The following CLYBL variants were observed in gnomAD, a reference collection of about 807,000 sequenced individuals.
The protein encoded by CLYBL is citramalyl-CoA lyase, mitochondrial.
Under a neutral mutation model 38.9 loss-of-function variants are expected in CLYBL, and 31 were observed. The ratio of observed to expected loss-of-function variants is 0.80; its 90% CI spans 0.60 to 1.08. The LOEUF (loss-of-function observed/expected upper bound fraction) is 1.08, where lower values mean the gene tolerates loss of function less well. Ranked by LOEUF, CLYBL falls within the 50% of genes least tolerant of loss-of-function variation. The pLI is 0.00. For synonymous variants in CLYBL, 171 were observed against 158.6 expected (o/e 1.08, Z -0.59); for missense variants, 434 against 411.6 (o/e 1.05, Z -0.47).
At position 99,738,699 on chromosome 13, in the gene CLYBL, G is replaced by C. The variant is rs886268982; in HGVS notation, c.63-34125G>C. 5.3e-5 allele frequency among the ~76,000 whole-genome samples: 8 copies of C among 152,206 alleles called. 1 individual carries two copies. Among genetic ancestry groups the C allele is most frequent in the East Asian group, 1.9e-4 (1 of 5,176 alleles). ...ACAAAATGGAAACCCCGAAAACTTA[G>C]GTATTCAAATGTTTAGACTTTACTA... On this transcript the variant is annotated intron_variant, in intron 1 of 8. Transcript: ENST00000339105.
At chr13:99,881,854 G>T (rs1334008985) in intron 7 of CLYBL, among the ~76,000 whole-genome samples, 1 of 152,150 alleles carries the variant, frequency 6.6e-6, no homozygotes, top group Non-Finnish European at 1.5e-5. Context: ...GACTTAAAAT[G>T]TCACTCATAT....
At chr13:99,751,330 C>G (rs2048953677) in intron 1 of CLYBL, among the ~76,000 whole-genome samples, 1 of 151,904 alleles carries the variant, frequency 6.6e-6, no homozygotes, top group African/African-American at 2.4e-5. Flanking sequence ...AAGTGATTCT[C>G]CTGCCTCAGC....
At chr13:99,837,006 T>TA (rs1199410308) in intron 2 of CLYBL, among the ~76,000 whole-genome samples, 2 of 152,074 alleles carry the variant, frequency 1.3e-5, no homozygotes, top group African/African-American at 4.8e-5. Context: ...AACCTGCACG[T>TA]TGTGCACATG....
At chr13:99,621,671 G>T (rs2046799227) in intron 1 of CLYBL, among the ~76,000 whole-genome samples, 1 of 152,184 alleles carries the variant, frequency 6.6e-6, no homozygotes, top group African/African-American at 2.4e-5. Context: ...CCTGCAGCCT[G>T]TGGGCCACAT....
chr13:99,792,939 C>A (rs1482582657), intron 2 of CLYBL, among the ~76,000 whole-genome samples: 2 of 151,730 alleles, frequency 1.3e-5, no homozygotes, highest in African/African-American at 4.8e-5. Flanking sequence ...ACTTTAATTG[C>A]CATACAGATG....
At chr13:99,896,795 T>G (rs2052586335), downstream of CLYBL, 1 of 152,248 alleles carries the variant, frequency 6.6e-6, no homozygotes, top group Non-Finnish European at 1.5e-5. Flanking sequence ...GAGGCCACTC[T>G]AAGTGGTAAT....
At chr13:99,719,700 G>T (rs1328909097) in intron 1 of CLYBL, among the ~76,000 whole-genome samples, 2 of 151,770 alleles carry the variant, frequency 1.3e-5, no homozygotes, top group African/African-American at 4.8e-5. Context: ...TAGAGATGGG[G>T]TTTCACTACG....
chr13:99,725,890 T>C (rs2048464208), intron 1 of CLYBL, among the ~76,000 whole-genome samples: 1 of 152,214 alleles, frequency 6.6e-6, no homozygotes, highest in African/African-American at 2.4e-5. Context: ...TTAATCCAGC[T>C]ACTGCACATG....
intron 1 of CLYBL, among the ~76,000 whole-genome samples, chr13:99,625,574 T>TA (rs1158102683): frequency 4.6e-5 from 7 of 152,342 alleles, no homozygotes; most frequent in African/African-American, 1.2e-4. Flanking sequence ...TTCCCTTTTT[T>TA]AAAAAAATAC....
chr13:99,848,484 T>A (rs2051258562), intron 2 of CLYBL, among the ~76,000 whole-genome samples: 1 of 152,232 alleles, frequency 6.6e-6, no homozygotes, highest in South Asian at 2.1e-4. Context: ...AGTTTTCTCT[T>A]GGGAATCACA....
chr13:99,627,642 T>C (rs2046888816), intron 1 of CLYBL, among the ~76,000 whole-genome samples: 2 of 152,232 alleles, frequency 1.3e-5, no homozygotes. Context: ...TTGAACTGTT[T>C]TTCACACTTG....
chr13:99,848,835 G>A (rs1234362927), intron 2 of CLYBL, among the ~76,000 whole-genome samples: 1 of 152,166 alleles, frequency 6.6e-6, no homozygotes, highest in Non-Finnish European at 1.5e-5. Context: ...GCATGGCGGT[G>A]GTTAATAGTA....
Position 99,763,923 on chromosome 13 carries a change from A to G in CLYBL, c.63-8901A>G, listed in dbSNP as rs2049216445. Among the ~76,000 whole-genome samples the G allele has an allele frequency of 2.0e-5, 3 of 151,930 alleles. No individual in the cohort carries two copies. The South Asian group carries it at 6.2e-4, about 31-fold the overall frequency. On this transcript the variant is annotated intron_variant, in intron 1 of 8. Coordinates refer to ENST00000339105, the MANE Select transcript of CLYBL (RefSeq NM_206808.5). ...CTAGTATTTTGATGAGAATTTTTGC[A>G]TCTGTGTTCATCATCTTAGTTTTCC...
At chr13:99,884,968 T>C (rs767118554) in intron 7 of CLYBL, 2 of 475,248 alleles carry the variant, frequency 4.2e-6, no homozygotes, top group South Asian at 3.1e-5. Flanking sequence ...CTTGTGTCCT[T>C]CTATTCAGGT....
chr13:99,673,777 A>G (rs1221865883), intron 1 of CLYBL, among the ~76,000 whole-genome samples: 1 of 152,234 alleles, frequency 6.6e-6, no homozygotes, highest in Non-Finnish European at 1.5e-5. Flanking sequence ...AGTTATGTTG[A>G]GAATACCATG....
At chr13:99,637,076 C>T (rs142158209) in intron 1 of CLYBL, among the ~76,000 whole-genome samples, 1,752 of 152,220 alleles carry the variant, frequency 0.012, 41 homozygotes, top group African/African-American at 0.039. Flanking sequence ...GACGGGATTT[C>T]GCCATGTTGG....
chr13:99,852,009 A>C (rs950803077), intron 2 of CLYBL, among the ~76,000 whole-genome samples: 1 of 152,222 alleles, frequency 6.6e-6, no homozygotes, highest in African/African-American at 2.4e-5. Flanking sequence ...TTTGGCAATA[A>C]AAAAGAATAA....
chr13:99,741,422 A>T (rs1469602156), intron 1 of CLYBL, among the ~76,000 whole-genome samples: 1 of 152,164 alleles, frequency 6.6e-6, no homozygotes, highest in Non-Finnish European at 1.5e-5. Context: ...GGCACGGCAG[A>T]CCCCAACCTT....
chr13:99,864,132 C>T (rs142317742), intron 4 of CLYBL, among the ~76,000 whole-genome samples: 1 of 152,320 alleles, frequency 6.6e-6, no homozygotes, highest in African/African-American at 2.4e-5. Flanking sequence ...CCATTTTATT[C>T]CATAATGTAC....
Sources: allele counts gnomAD v4.1 joint callset (sites outside exome capture counted in the v4.1 genomes callset), GRCh38; gene constraint gnomAD v4.1.1; transcripts MANE v1.5; gene names NCBI Gene and HGNC (gene_info 2026-07-23, HGNC 2026-07-21).